PCNX3: variants seen among roughly 807,000 people sequenced by gnomAD.
PCNX3 encodes the protein pecanex 3.
PCNX3 carries 58 observed loss-of-function variants against 207.2 expected under a neutral mutation model. That is an observed-to-expected ratio of 0.28 (90% CI 0.23 to 0.35). PCNX3 has a LOEUF of 0.35. PCNX3 is among the 10% of genes least tolerant of loss of function. The pLI is 1.00. For missense variants in PCNX3, 2,410 were observed against 2,774.4 expected, an observed-to-expected ratio of 0.87 and a Z score of 2.95; for synonymous variants, 1,337 against 1,183.5, an observed-to-expected ratio of 1.13 and a Z score of -2.66.
chr11:65,628,759 T>TGGGGGGGGGGGGGGGGGGGGG, intron 23 of PCNX3, 56 bp downstream of exon 23: 1 of 234,822 alleles, frequency 4.3e-6, no homozygotes. Context: ...CCTGGGGCAG[T>TGGGGGGGGGGGGGGGGGGGGG]GGGGGGTGGT....
intron 6 of PCNX3, 37 bp downstream of exon 6, chr11:65,619,104 T>A (rs1387014965): frequency 6.6e-7 from 1 of 1,521,786 alleles, no homozygotes; most frequent in African/African-American, 1.4e-5. Flanking sequence ...CTGGGGGACG[T>A]GAGCTACGGG....
intron 26 of PCNX3, 94 bp downstream of exon 26, chr11:65,629,829 GCT>G: frequency 2.2e-6 from 3 of 1,371,876 alleles, no homozygotes; most frequent in Non-Finnish European, 3.0e-6. Flanking sequence ...GTCCAGTCCA[GCT>G]CTGTCCAGGC....
Position 65,616,465 on chromosome 11 carries a change from G to C in PCNX3, c.153+1G>C. ...CATCTTTCCCTTCTTACTGTACATG[G>C]TGAGACGCCACGGCCACCTGTAACT... On this transcript the variant is annotated splice_donor_variant, in intron 1 of 34. Transcript: ENST00000355703. LOFTEE classifies it high-confidence loss of function. The C allele has an allele frequency of 6.2e-7, 1 of 1,603,016 alleles. No individual in the cohort carries two copies. The highest frequency in any genetic ancestry group is 8.5e-7 in the Non-Finnish European group (1 of 1,177,424).
In PCNX3 at chr11:65,619,563, C is replaced by T. The variant is rs374585785; in HGVS notation, c.1732C>T (p.Arg578Cys). Residue 578 changes from arginine (R) to cysteine (C), a missense_variant, in exon 7 of 35, where the codon CGC becomes TGC. By Grantham distance (180) the Arg-to-Cys change is radical. Coordinates refer to ENST00000355703, the MANE Select transcript of PCNX3 (RefSeq NM_032223.4). ...GAAEETGRRDRSSSVRRTQAI... is the reference protein window; with the variant it reads ...GAAEETGRRDCSSSVRRTQAI... ...GGCCGAGGAGACTGGCAGGCGGGAC[C>T]GCTCAAGCAGTGTGAGGCGGACCCA... 6.0e-5 allele frequency: 97 copies of T among 1,610,022 alleles called. No homozygotes were observed. Among genetic ancestry groups the T allele is most frequent in the Middle Eastern group, 1.6e-4 (1 of 6,066 alleles).
intron 22 of PCNX3, among the ~76,000 whole-genome samples, chr11:65,628,289 T>G (rs749154044): frequency 6.6e-6 from 1 of 152,214 alleles, no homozygotes; most frequent in Non-Finnish European, 1.5e-5. Flanking sequence ...GTCATTTATC[T>G]TCTCTGTCTT....
chr11:65,624,160 G>A (rs761541087), intron 13 of PCNX3, 35 bp from the exon 14 acceptor site: 35 of 1,585,256 alleles, frequency 2.2e-5, no homozygotes, highest in Non-Finnish European at 2.2e-5. Flanking sequence ...GTGGCCAGTC[G>A]GGGAGACCCA....
Position 65,622,277 on chromosome 11 carries a change from G to A in PCNX3, c.2268G>A (p.Arg756=), listed in dbSNP as rs1191601548. The part of the protein sequence containing the change: ...EQTLMEEAPP[R]AQHSYKYWLL... ...CACTGATGGAAGAAGCGCCACCCCG[G>A]GCCCAGCATAGTTACAAGTACTGGC... is the stretch of plus-strand genomic sequence containing the variant. Residue 756 remains arginine (R), a synonymous_variant, in exon 11 of 35, where the codon CGG becomes CGA. Coordinates refer to ENST00000355703, the MANE Select transcript of PCNX3 (RefSeq NM_032223.4). 2 of 1,602,024 alleles carry A rather than the reference G, an allele frequency of 1.2e-6. No homozygotes were observed. The highest frequency in any genetic ancestry group is 3.4e-5 in the Admixed American group (2 of 58,720).
At position 65,625,983 on chromosome 11, in the gene PCNX3, A is replaced by C; in HGVS notation, c.3308A>C (p.Lys1103Thr). ...FTHYLLPQLR[K>T]QLPWFCLSQP... ...CATTACCTGCTGCCACAACTCCGCA[A>C]ACAGCTGCCCTGGTTCTGCCTGTCA... is the stretch of plus-strand genomic sequence containing the variant. Residue 1103 changes from lysine (K) to threonine (T), a missense_variant, in exon 20 of 35, where the codon AAA becomes ACA. Around this residue, in one of 8 missense-constraint regions of PCNX3, gnomAD observed 333 missense variants for 386.8 expected, o/e 0.86. Coordinates refer to ENST00000355703, the MANE Select transcript of PCNX3 (RefSeq NM_032223.4). This position sits in a 1 kb window ranked among gnomAD's most constrained non-coding sequence, Gnocchi z 5.6. 2 of 1,613,790 alleles carry C rather than the reference A, an allele frequency of 1.2e-6. No individual in the cohort carries two copies. The highest frequency in any genetic ancestry group is 1.7e-6 in the Non-Finnish European group (2 of 1,179,856).
In PCNX3 at chr11:65,630,629, C is replaced by T. The variant is rs375251831; in HGVS notation, c.4470+25C>T. ...GGTACGGTGGGCAGGTGTGGCCGGG[C>T]AGCAGGGCCCTTGCGGGTGAGCGCT... On this transcript the variant is annotated intron_variant, in intron 27 of 34. Transcript: ENST00000355703. 12 of 1,597,014 alleles carry T rather than the reference C, an allele frequency of 7.5e-6. No homozygotes were observed. The Admixed American group carries it at 1.3e-4, about 18-fold the overall frequency.
chr11:65,620,286 C>G, intron 8 of PCNX3, 53 bp from the exon 9 acceptor site: 1 of 1,547,276 alleles, frequency 6.5e-7, no homozygotes, highest in Non-Finnish European at 8.8e-7. Context: ...GTGAGCCGGG[C>G]CTTGGTGCTT....
intron 15 of PCNX3, 59 bp downstream of exon 15, chr11:65,624,640 C>A (rs765209322): frequency 1.4e-6 from 2 of 1,437,176 alleles, no homozygotes; most frequent in Non-Finnish European, 1.9e-6. Flanking sequence ...GGAGGGCCCT[C>A]GGATTGGGTC....
Position 65,620,933 on chromosome 11 carries a change from G to A in PCNX3, c.2202G>A (p.Met734Ile). The A allele has an allele frequency of 1.3e-6, 2 of 1,554,574 alleles. No individual in the cohort carries two copies. The highest frequency in any genetic ancestry group is 1.7e-6 in the Non-Finnish European group (2 of 1,149,376). The change falls in exon 10 of 35, where the codon ATG becomes ATA. Residue 734 changes from methionine (M) to isoleucine (I), a missense_variant. Met to Ile is a conservative substitution (Grantham distance 10). This residue lies in a region of PCNX3 where 177 missense variants were observed against 257.5 expected (regional missense o/e 0.69). Transcript: ENST00000355703. ...LQPRPVVLQG[M>I]QVRRVPLEIP... ...CGAGGCCTGTGGTTCTGCAGGGCAT[G>A]CAGGTGCGCCGGGTGCCCCTGGAGA...
At chr11:65,617,130 C>T (rs1854779345) in intron 2 of PCNX3, 119 bp downstream of exon 2, 27 of 1,377,466 alleles carry the variant, frequency 2.0e-5, no homozygotes, top group Non-Finnish European at 2.7e-5. Flanking sequence ...GAACACTTGT[C>T]CTGTGTTAGC....
intron 27 of PCNX3, 76 bp downstream of exon 27, chr11:65,630,680 C>T (rs1855583627): frequency 3.9e-6 from 6 of 1,532,864 alleles, no homozygotes; most frequent in East Asian, 4.6e-5. Flanking sequence ...CCAGTACCCC[C>T]TTTCTGGGTT....
chr11:65,624,875 G>A, intron 15 of PCNX3, 50 bp from the exon 16 acceptor site: 1 of 1,543,710 alleles, frequency 6.5e-7, no homozygotes, highest in Non-Finnish European at 8.8e-7. Context: ...TAGGGTTGAG[G>A]TGGGGTACCT....
At position 65,626,950 on chromosome 11, in the gene PCNX3, G is replaced by C. The variant is rs746998022; in HGVS notation, c.3426G>C (p.Gln1142His). 1 of 1,578,968 alleles carries C rather than the reference G, an allele frequency of 6.3e-7. No homozygotes were observed. The highest frequency in any genetic ancestry group is 1.2e-5 in the South Asian group (1 of 86,094). Residue 1142 changes from glutamine to histidine, a missense_variant, in exon 21 of 35, where the codon CAG becomes CAC. Coordinates refer to ENST00000355703, the MANE Select transcript of PCNX3 (RefSeq NM_032223.4). ...MWFEKLYAGL[Q>H]CVEKYLIYPA... ...TTGAGAAGCTGTATGCTGGCCTGCA[G>C]TGCGTAGAGAAGTACCTCATCTACC... is the stretch of plus-strand genomic sequence containing the variant.
intron 26 of PCNX3, 105 bp downstream of exon 26, chr11:65,629,840 G>GTGGACAGGT: frequency 7.7e-7 from 1 of 1,305,422 alleles, no homozygotes; most frequent in Non-Finnish European, 1.1e-6. Context: ...CTCTGTCCAG[G>GTGGACAGGT]CTGGCGGGTG....
intron 23 of PCNX3, 44 bp from the exon 24 acceptor site, chr11:65,628,775 G>GGGGGGGGGGGGGGCC: frequency 6.7e-7 from 1 of 1,500,494 alleles, no homozygotes; most frequent in Non-Finnish European, 9.1e-7. Context: ...GTGGTGGGGG[G>GGGGGGGGGGGGGGCC]CTGGGAGGTC....
At chr11:65,632,138 C>G (rs1007994920) in intron 27 of PCNX3, among the ~76,000 whole-genome samples, 1 of 152,140 alleles carries the variant, frequency 6.6e-6, no homozygotes, top group Admixed American at 6.5e-5. Flanking sequence ...TGAGATGCAC[C>G]TGGCCAGGTC....
Sources: allele counts gnomAD v4.1 joint callset (sites outside exome capture counted in the v4.1 genomes callset), GRCh38; gene constraint gnomAD v4.1.1; regional missense constraint gnomAD v4.1.1; non-coding constraint Gnocchi (gnomAD v3.1); transcripts MANE v1.5; gene names NCBI Gene and HGNC (gene_info 2026-07-23, HGNC 2026-07-21).